Variants in RIMS1 observed in about 807,000 individuals in gnomAD.
The protein encoded by RIMS1 is regulating synaptic membrane exocytosis 1.
Under a neutral mutation model 214.1 loss-of-function variants are expected in RIMS1, and 83 were observed. The observed-to-expected ratio is 0.39, with a 90% CI of 0.32 to 0.47. RIMS1 has a LOEUF of 0.47. RIMS1 is among the 20% of genes least tolerant of loss of function. The pLI, the probability that RIMS1 is intolerant of heterozygous loss-of-function variation, is 0.99. For synonymous variants in RIMS1, 793 were observed against 786.8 expected, an observed-to-expected ratio of 1.01 and a Z score of -0.13; for missense variants, 2,050 against 2,161.8, an observed-to-expected ratio of 0.95 and a Z score of 1.03.
At chr6:72,122,791 T>C (rs553326625) in intron 4 of RIMS1, among the ~76,000 whole-genome samples, 4 of 152,004 alleles carry the variant, frequency 2.6e-5, no homozygotes, top group Non-Finnish European at 5.9e-5. Flanking sequence ...TCTCTGATGG[T>C]AGTTTGTATT....
intron 4 of RIMS1, among the ~76,000 whole-genome samples, chr6:72,149,526 G>A (rs182394248): frequency 1.2e-4 from 19 of 152,182 alleles, no homozygotes; most frequent in African/African-American, 3.9e-4. Flanking sequence ...ACCTGAGAGT[G>A]ATGGGGGTGG....
chr6:72,149,952 C>T (rs761023789), intron 4 of RIMS1, among the ~76,000 whole-genome samples: 6 of 152,214 alleles, frequency 3.9e-5, no homozygotes, highest in Non-Finnish European at 8.8e-5. Flanking sequence ...TTTTACAGCT[C>T]ATACTCATGT....
chr6:72,099,954 T>G (rs777696226), intron 3 of RIMS1, 21 bp from the exon 4 acceptor site: 132 of 1,600,018 alleles, frequency 8.2e-5, no homozygotes, highest in Non-Finnish European at 1.1e-4. Context: ...CTACTCTGCT[T>G]CCTTGGATGC....
At chr6:72,253,076 C>G (rs1476627359) in intron 16 of RIMS1, among the ~76,000 whole-genome samples, 2 of 152,080 alleles carry the variant, frequency 1.3e-5, no homozygotes, top group African/African-American at 4.8e-5. Context: ...TGAAACAAAT[C>G]ATTATTTCAC....
At chr6:72,015,012 A>G (rs777927069) in intron 2 of RIMS1, among the ~76,000 whole-genome samples, 16 of 152,204 alleles carry the variant, frequency 1.1e-4, no homozygotes, top group Non-Finnish European at 1.5e-4. Flanking sequence ...TCCCTTAGCC[A>G]AAATGCTTGG....
rs1554198466 is a variant in RIMS1, at chr6:71,899,491, A to AC, written c.164+12304_164+12305insC. On this transcript the variant is annotated intron_variant, in intron 1 of 33. Transcript: ENST00000521978. ...GTATTTGTATACACACACACACACA[A>AC]ACACACACACACATATATATATATA... 7.3e-3 allele frequency among the ~76,000 whole-genome samples: 1,101 copies of AC among 151,096 alleles called. 7 individuals carry two copies. The highest frequency in any genetic ancestry group is 0.037 in the South Asian group (178 of 4,756).
At chr6:72,002,992 C>A (rs1304270753) in intron 2 of RIMS1, among the ~76,000 whole-genome samples, 1 of 152,184 alleles carries the variant, frequency 6.6e-6, no homozygotes, top group Admixed American at 6.5e-5. Flanking sequence ...CACAGGTATG[C>A]TTTCTAGCCA....
At chr6:72,341,104 G>T (rs1278605760) in intron 29 of RIMS1, among the ~76,000 whole-genome samples, 1 of 151,808 alleles carries the variant, frequency 6.6e-6, no homozygotes, top group Non-Finnish European at 1.5e-5. Flanking sequence ...TGGTGTATAA[G>T]AATTCTTGTG....
intron 2 of RIMS1, among the ~76,000 whole-genome samples, chr6:72,050,577 C>T (rs1288867451): frequency 6.6e-6 from 1 of 152,024 alleles, no homozygotes; most frequent in Non-Finnish European, 1.5e-5. Context: ...TGTGTCTTCT[C>T]TCCTCAGATA....
chr6:72,104,788 CTG>C (rs1186207553), intron 4 of RIMS1, among the ~76,000 whole-genome samples: 1 of 152,072 alleles, frequency 6.6e-6, no homozygotes, highest in Middle Eastern at 3.2e-3. Flanking sequence ...CTTTAAATGA[CTG>C]TTTTTTTTTA....
In RIMS1 at chr6:72,400,570, A is replaced by G. The variant is rs1410647107; in HGVS notation, c.4935A>G (p.Glu1645=). 1.9e-6 allele frequency: 3 copies of G among 1,613,624 alleles called. No homozygotes were observed. The highest frequency in any genetic ancestry group is 1.7e-5 in the Admixed American group (1 of 59,976). The change falls in exon 34 of 34, where the codon GAA becomes GAG. Residue 1645 remains glutamate, a synonymous_variant. Transcript: ENST00000521978. ...FMGVAQILLE[E]LDLSSMVIGW... ...GTGTGGCTCAGATCTTGTTGGAAGAACTCGACCTGTCCAGCATGGTGATCG... is the reference window on the plus strand; with the variant it reads ...GTGTGGCTCAGATCTTGTTGGAAGAGCTCGACCTGTCCAGCATGGTGATCG...
chr6:72,247,599 CTTGGCTTAGAT>C (rs1344473210), intron 11 of RIMS1, among the ~76,000 whole-genome samples: 6 of 149,968 alleles, frequency 4.0e-5, no homozygotes, highest in African/African-American at 1.5e-4. Context: ...GTGGCAAAGT[CTTGGCTTAGAT>C]GTGGCTTATA....
chr6:72,201,770 T>A (rs1819060), intron 6 of RIMS1, among the ~76,000 whole-genome samples: 107,784 of 152,062 alleles, frequency 0.71, 38,551 homozygotes, highest in East Asian at 0.84. Context: ...TATTCCTGAG[T>A]CCACATTCCA....
chr6:72,245,270 C>G (rs2068910620), intron 10 of RIMS1, among the ~76,000 whole-genome samples: 1 of 151,592 alleles, frequency 6.6e-6, no homozygotes, highest in African/African-American at 2.4e-5. Context: ...TATATATTCA[C>G]ATATATAAAA....
intron 1 of RIMS1, among the ~76,000 whole-genome samples, chr6:71,964,529 C>A (rs1490454124): frequency 6.6e-6 from 1 of 152,084 alleles, no homozygotes; most frequent in African/African-American, 2.4e-5. Context: ...TGGTCAAATT[C>A]TACATAAATT....
chr6:72,260,434 ATTTAAT>A (rs2077468511), intron 18 of RIMS1, among the ~76,000 whole-genome samples: 1 of 152,162 alleles, frequency 6.6e-6, no homozygotes, highest in South Asian at 2.1e-4. Context: ...TTTGAGGAAT[ATTTAAT>A]TTTGTTTTGT....
At chr6:72,048,211 T>C (rs1487905578) in intron 2 of RIMS1, among the ~76,000 whole-genome samples, 1 of 152,208 alleles carries the variant, frequency 6.6e-6, no homozygotes, top group Non-Finnish European at 1.5e-5. Context: ...TTTTGACTCA[T>C]AGTCCAAAAA....
chr6:72,352,983 CTTTTTT>C (rs70994123), intron 29 of RIMS1, among the ~76,000 whole-genome samples: 44 of 88,268 alleles, frequency 5.0e-4, no homozygotes, highest in African/African-American at 1.8e-3. Flanking sequence ...ATTCTTTTTT[CTTTTTT>C]TTTTTTTTTT....
intron 29 of RIMS1, among the ~76,000 whole-genome samples, chr6:72,361,315 A>C (rs1420496783): frequency 6.6e-6 from 1 of 151,654 alleles, no homozygotes; most frequent in African/African-American, 2.4e-5. Context: ...CATGTTGGCC[A>C]GGCTGGTCTC....
Sources: gnomAD v4.1 joint callset for allele counts (sites outside exome capture counted in the v4.1 genomes callset) on GRCh38, gnomAD v4.1.1 for gene constraint, MANE v1.5 for transcripts, NCBI Gene and HGNC (gene_info 2026-07-23, HGNC 2026-07-21) for gene names.